NBEAL1: variants seen among roughly 807,000 people sequenced by gnomAD.
NBEAL1 encodes neurobeachin-like protein 1.
A neutral mutation model predicts 351.3 loss-of-function variants in NBEAL1; 273 were observed. The ratio of observed to expected loss-of-function variants is 0.78; its 90% CI spans 0.70 to 0.86. The LOEUF (loss-of-function observed/expected upper bound fraction) is 0.86. NBEAL1 is among the 40% of genes least tolerant of loss of function. The pLI, the probability that NBEAL1 is intolerant of heterozygous loss-of-function variation, is 0.00. For missense variants in NBEAL1, 2,961 were observed against 3,201.3 expected (o/e 0.92, Z 1.81); for synonymous variants, 1,050 against 1,086.4 (o/e 0.97, Z 0.66).
At chr2:203,141,267 C>T (rs2063359740) in intron 31 of NBEAL1, among the ~76,000 whole-genome samples, 1 of 142,974 alleles carries the variant, frequency 7.0e-6, no homozygotes, top group Non-Finnish European at 1.5e-5. Context: ...TTATTTAGTT[C>T]ACAATTAAGT....
At chr2:203,160,862 G>A (rs1268275679) in intron 36 of NBEAL1, among the ~76,000 whole-genome samples, 4 of 152,168 alleles carry the variant, frequency 2.6e-5, no homozygotes, top group South Asian at 4.1e-4. Flanking sequence ...GGTCAGCATA[G>A]CTTGGTGGTC....
rs1368155373 is a variant in NBEAL1, at chr2:203,041,937, G to A, written c.143+81G>A. 1.0e-5 allele frequency: 9 copies of A among 903,858 alleles called. No individual in the cohort carries two copies. The Admixed American group carries it at 1.9e-4, about 19-fold the overall frequency. 56.0% of individuals were successfully genotyped at this position (903,858 alleles called of 1,614,324 possible). Reference sequence around the variant, plus strand: ...AGATTTCATTGATGACATATTACAAGGATGGCAATTATGTTACCCTCTTGA... The same window carrying A: ...AGATTTCATTGATGACATATTACAAAGATGGCAATTATGTTACCCTCTTGA... On this transcript the variant is annotated intron_variant, in intron 3 of 55. Transcript: ENST00000683969.
chr2:203,120,956 C>T (rs535985495), intron 18 of NBEAL1, among the ~76,000 whole-genome samples: 4 of 152,052 alleles, frequency 2.6e-5, no homozygotes, highest in East Asian at 1.9e-4. Flanking sequence ...ACATCATGTG[C>T]GCTAAAATTT....
intron 38 of NBEAL1, 143 bp downstream of exon 38, chr2:203,167,503 G>A: frequency 1.2e-6 from 1 of 837,080 alleles, no homozygotes; most frequent in Admixed American, 3.0e-5. Flanking sequence ...GGGCTAATCA[G>A]TGTATGAATT....
Position 203,135,919 on chromosome 2 carries a change from T to C in NBEAL1, c.4056T>C (p.Asn1352=), listed in dbSNP as rs1575023302. Residue 1352 remains asparagine, a synonymous_variant, in exon 28 of 56, where the codon AAT becomes AAC. Transcript: ENST00000683969. The stretch of plus-strand genomic sequence containing the variant: ...AAATCACCTCTTTTGCCTCAGCTAA[T>C]GTGTCTTCGGATCAGTGGAGTTTGG... ...EEKITSFASA[N]VSSDQWSLED... 4 of 1,614,196 alleles carry C rather than the reference T, an allele frequency of 2.5e-6. No individual in the cohort carries two copies. In the South Asian group the frequency reaches 3.3e-5, roughly 13 times the overall value.
At chr2:203,088,714 G>A (rs2062012318) in intron 10 of NBEAL1, among the ~76,000 whole-genome samples, 1 of 152,116 alleles carries the variant, frequency 6.6e-6, no homozygotes, top group Non-Finnish European at 1.5e-5. Flanking sequence ...CTACATGGAA[G>A]GCCCCCATTT....
intron 39 of NBEAL1, among the ~76,000 whole-genome samples, chr2:203,170,295 C>T (rs1432819364): frequency 6.6e-6 from 1 of 152,156 alleles, no homozygotes; most frequent in Non-Finnish European, 1.5e-5. Context: ...TCGCTTGAAC[C>T]GGGGAGGCGG....
rs1024314337 is a variant in NBEAL1, at chr2:203,217,488, C to T, written c.*134C>T. The T allele has an allele frequency of 5.3e-6, 7 of 1,313,064 alleles. No individual in the cohort carries two copies. In the African/African-American group the frequency reaches 9.0e-5, roughly 17 times the overall value. 81.3% of individuals were successfully genotyped at this position (1,313,064 alleles called of 1,614,324 possible). A position where few individuals can be genotyped will look rare whatever the true frequency, so the allele number is the denominator to read the frequency against. Reference sequence around the variant, plus strand: ...ATCATTTACAGATAACCACAATTTGCTGTGGTATATAAACTAATTCTTGGT... The same window carrying T: ...ATCATTTACAGATAACCACAATTTGTTGTGGTATATAAACTAATTCTTGGT... On this transcript the variant is annotated 3_prime_UTR_variant, in exon 56 of 56. Transcript: ENST00000683969.
chr2:203,198,587 T>C (rs186637366), intron 48 of NBEAL1, among the ~76,000 whole-genome samples: 10 of 152,242 alleles, frequency 6.6e-5, no homozygotes, highest in Admixed American at 6.5e-4. Context: ...TAAATTGGGC[T>C]GAGCGCAGTG....
chr2:203,110,734 C>T (rs527917347), intron 15 of NBEAL1, among the ~76,000 whole-genome samples: 1 of 130,196 alleles, frequency 7.7e-6, no homozygotes, highest in Non-Finnish European at 1.6e-5. Context: ...GTTAGGATGT[C>T]TTAAGGTTTT....
chr2:203,047,203 C>T (rs1408415804), intron 3 of NBEAL1, among the ~76,000 whole-genome samples: 2 of 151,620 alleles, frequency 1.3e-5, no homozygotes, highest in East Asian at 3.9e-4. Context: ...CGCCATTGCA[C>T]CTCCAGCCTG....
At position 203,083,360 on chromosome 2, in the gene NBEAL1, G is replaced by A; in HGVS notation, c.826G>A (p.Val276Ile). ...ELTLKCLTEV[V>I]HILLSSNSDQ... Reference sequence around the variant, plus strand: ...AACTCTGAAGTGCCTTACAGAAGTGGTACATATCCTTCTCAGTAGCAACTC... The same window carrying A: ...AACTCTGAAGTGCCTTACAGAAGTGATACATATCCTTCTCAGTAGCAACTC... Residue 276 changes from valine (V) to isoleucine (I), a missense_variant, in exon 9 of 56, where the codon GTA (valine) becomes ATA (isoleucine). Val to Ile is a conservative substitution (Grantham distance 29). Coordinates refer to ENST00000683969, the MANE Select transcript of NBEAL1 (RefSeq NM_001378026.1). 6.4e-7 allele frequency: 1 copy of A among 1,555,022 alleles called. No homozygotes were observed. The highest frequency in any genetic ancestry group is 8.7e-7 in the Non-Finnish European group (1 of 1,147,874).
chr2:203,135,169 C>CAAA (rs780103072), intron 27 of NBEAL1, among the ~76,000 whole-genome samples: 1 of 87,890 alleles, frequency 1.1e-5, no homozygotes, highest in Non-Finnish European at 2.4e-5. Flanking sequence ...GACCCTGTCT[C>CAAA]AAAAAAAAAA....
chr2:203,142,421 G>A (rs2063405365), intron 31 of NBEAL1, among the ~76,000 whole-genome samples: 1 of 152,148 alleles, frequency 6.6e-6, no homozygotes, highest in Non-Finnish European at 1.5e-5. Context: ...CTCCCAAAGT[G>A]CTGGGATTAC....
At chr2:203,169,194 A>G (rs1347932288) in intron 38 of NBEAL1, among the ~76,000 whole-genome samples, 2 of 152,054 alleles carry the variant, frequency 1.3e-5, no homozygotes, top group Non-Finnish European at 2.9e-5. Flanking sequence ...AATTAAAACC[A>G]TAATCTACTG....
intron 8 of NBEAL1, among the ~76,000 whole-genome samples, chr2:203,082,561 C>T (rs1376640919): frequency 6.6e-6 from 1 of 152,140 alleles, no homozygotes; most frequent in Admixed American, 6.5e-5. Context: ...CTACCAATTA[C>T]TTAGTATATG....
chr2:203,208,815 T>C lies in NBEAL1; in HGVS notation c.7623+62T>C, dbSNP rs778606749. 4.6e-4 allele frequency: 592 copies of C among 1,296,640 alleles called. 2 individuals are homozygous for C. The highest frequency in any genetic ancestry group is 1.1e-3 in the Middle Eastern group (6 of 5,248). The allele number at this position is 1,296,640 out of a possible 1,614,324, so 80.3% of individuals were successfully genotyped here. On this transcript the variant is annotated intron_variant, in intron 52 of 55. Transcript: ENST00000683969. ...TCTACAAATTTATTACCAACACTTA[T>C]AACTAAAAAGTTTTTCAGAGGAATT...
Position 203,126,840 on chromosome 2 carries a change from T to G in NBEAL1, c.3162T>G (p.Leu1054=). 2 of 1,552,284 alleles carry G rather than the reference T, an allele frequency of 1.3e-6. No homozygotes were observed. The highest frequency in any genetic ancestry group is 2.4e-5 in the South Asian group (2 of 84,060). Residue 1054 remains leucine, a synonymous_variant, in exon 23 of 56, where the codon CTT becomes CTG. Coordinates refer to ENST00000683969, the MANE Select transcript of NBEAL1 (RefSeq NM_001378026.1). ...FPFRIGHIQY[L]STIIKDSRRV... ...TTATTTTAGGTCACATACAGTATCT[T>G]TCAACCATCATTAAAGACAGCAGGA...
At chr2:203,029,095 C>T (rs1467164500) in intron 2 of NBEAL1, among the ~76,000 whole-genome samples, 3 of 152,162 alleles carry the variant, frequency 2.0e-5, no homozygotes, top group Non-Finnish European at 2.9e-5. Context: ...CAGTGAGTCT[C>T]GTGCCTCAGT....
Sources: gnomAD v4.1 joint callset for allele counts (sites outside exome capture counted in the v4.1 genomes callset) on GRCh38, gnomAD v4.1.1 for gene constraint, MANE v1.5 for transcripts, NCBI Gene and HGNC (gene_info 2026-07-23, HGNC 2026-07-21) for gene names.